The following DAB1 variants were observed in gnomAD, a reference collection of about 807,000 sequenced individuals.
DAB1 encodes the protein DAB adaptor protein 1, also known as disabled homolog 1.
DAB1 carries 15 observed loss-of-function variants against 64.6 expected under a neutral mutation model. The observed-to-expected ratio is 0.23, with a 90% CI of 0.16 to 0.36. The LOEUF (loss-of-function observed/expected upper bound fraction) is 0.36. DAB1 is among the 10% of genes least tolerant of loss of function. The pLI, the probability that DAB1 is intolerant of heterozygous loss-of-function variation, is 1.00. For synonymous variants in DAB1, 235 were observed against 251.9 expected, an observed-to-expected ratio of 0.93 and a Z score of 0.64; for missense variants, 596 against 706.7, an observed-to-expected ratio of 0.84 and a Z score of 1.78.
At chr1:57,062,833 A>T in intron 9 of DAB1, 51 bp downstream of exon 9, 1 of 1,455,010 alleles carries the variant, frequency 6.9e-7, no homozygotes, top group Non-Finnish European at 9.7e-7. Flanking sequence ...AGACAGCCTC[A>T]GTGTGAATCC....
In DAB1 at chr1:57,395,195, T is replaced by A. The variant is rs558925549; in HGVS notation, c.-137+28735A>T. Among the ~76,000 whole-genome samples the A allele has an allele frequency of 2.6e-5, 4 of 152,222 alleles. No individual in the cohort carries two copies. The South Asian group carries it at 6.2e-4, about 24-fold the overall frequency. ...GTGTGCGACCACGCTCAGCTAATTT[T>A]TTGTATTTTTAGTAGAGACGGGGTT... On this transcript the variant is annotated intron_variant, in intron 1 of 14. Coordinates refer to ENST00000371236, the MANE Select transcript of DAB1 (RefSeq NM_001365792.1).
At chr1:57,613,398 TC>T (rs1645751546) in intron 7 of DAB1, among the ~76,000 whole-genome samples, 1 of 152,174 alleles carries the variant, frequency 6.6e-6, no homozygotes, top group African/African-American at 2.4e-5. Context: ...TGAGCCTCAC[TC>T]AGCAGCTGCT....
intron 1 of DAB1, among the ~76,000 whole-genome samples, chr1:57,389,547 T>G (rs17115722): frequency 2.0e-5 from 3 of 152,042 alleles, no homozygotes; most frequent in Non-Finnish European, 2.9e-5. Flanking sequence ...ACTGCATATA[T>G]GATGAACTCC....
At chr1:57,465,964 C>T (rs980248712) in intron 7 of DAB1, among the ~76,000 whole-genome samples, 5 of 152,164 alleles carry the variant, frequency 3.3e-5, no homozygotes, top group Non-Finnish European at 7.4e-5. Flanking sequence ...TCATGATGCA[C>T]TAAGTTCTGT....
chr1:57,747,725 C>T (rs1278842965), intron 6 of DAB1, among the ~76,000 whole-genome samples: 4 of 136,698 alleles, frequency 2.9e-5, no homozygotes, highest in Non-Finnish European at 4.6e-5. Context: ...AGGAGAATGG[C>T]GTGAATCTGG....
At position 57,326,324 on chromosome 1, in the gene DAB1, C is replaced by G. The variant is rs142803480; in HGVS notation, c.-136-35158G>C. 2.2e-3 allele frequency among the ~76,000 whole-genome samples: 334 copies of G among 152,294 alleles called. 2 individuals carry two copies. The highest frequency in any genetic ancestry group is 7.6e-3 in the African/African-American group (315 of 41,556). On this transcript the variant is annotated intron_variant, in intron 1 of 14. Transcript: ENST00000371236. ...ACCCAGACATAAATTCTAAAGACAG[C>G]AGGAAGCAAAAGAGGGCAAACCATG...
rs77723920 is a variant in DAB1, at chr1:58,210,124, A to G, written n.310-59536T>C. On this transcript the variant is annotated intron_variant and non_coding_transcript_variant, in intron 4 of 20. Transcript: ENST00000485760. ...GTACTTACAACAACTCTTGAGGTTG[A>G]TATTTTTACACGAATTTTTAAAATA... Among the ~76,000 whole-genome samples the G allele has an allele frequency of 9.5e-3, 1,444 of 152,308 alleles. 20 individuals carry two copies. Among genetic ancestry groups the G allele is most frequent in the African/African-American group, 0.033 (1,377 of 41,568 alleles).
intron 7 of DAB1, among the ~76,000 whole-genome samples, chr1:57,533,009 A>C (rs984825167): frequency 9.9e-5 from 15 of 152,170 alleles, no homozygotes; most frequent in African/African-American, 3.6e-4. Flanking sequence ...AACTTGCCAA[A>C]AATGTACACA....
intron 4 of DAB1, among the ~76,000 whole-genome samples, chr1:57,087,103 T>C (rs987316157): frequency 2.0e-5 from 3 of 152,204 alleles, no homozygotes; most frequent in Admixed American, 1.3e-4. Flanking sequence ...CTATGTAACC[T>C]GGATGTTTCA....
chr1:58,283,806 C>T (rs1249115745), intron 4 of DAB1, among the ~76,000 whole-genome samples: 1 of 152,118 alleles, frequency 6.6e-6, no homozygotes, highest in Non-Finnish European at 1.5e-5. Context: ...TTGGAGCTGC[C>T]CACATTGTCT....
At chr1:57,064,971 C>G (rs543881101) in intron 8 of DAB1, among the ~76,000 whole-genome samples, 2 of 152,266 alleles carry the variant, frequency 1.3e-5, no homozygotes, top group Admixed American at 1.3e-4. Context: ...ACTAGCTCAA[C>G]CTTTACTGAG....
intron 5 of DAB1, among the ~76,000 whole-genome samples, chr1:57,925,489 C>T (rs986528712): frequency 6.6e-6 from 1 of 152,212 alleles, no homozygotes; most frequent in African/African-American, 2.4e-5. Flanking sequence ...AAACATTTAT[C>T]AAGCCACATT....
rs547570817 is a variant in DAB1, at chr1:57,478,760, CT to C, written n.625+170831del. On this transcript the variant is annotated intron_variant and non_coding_transcript_variant, in intron 7 of 20. Transcript: ENST00000485760. Reference sequence around the variant, plus strand: ...GGTGCGTGCCACCATGCCCAGCTAACTTTTTTTTTTTTGTATTTTTTAGTAG... The same window carrying C: ...GGTGCGTGCCACCATGCCCAGCTAACTTTTTTTTTTTGTATTTTTTAGTAG... 2.8e-3 allele frequency among the ~76,000 whole-genome samples: 400 copies of C among 143,578 alleles called. 1 individual carries two copies. The highest frequency in any genetic ancestry group is 3.6e-3 in the Admixed American group (52 of 14,350). 94.2% of individuals were successfully genotyped at this position (143,578 alleles called of 152,430 possible). A position where few individuals can be genotyped will look rare whatever the true frequency, so the allele number is the denominator to read the frequency against.
intron 7 of DAB1, among the ~76,000 whole-genome samples, chr1:57,645,421 T>G (rs904287429): frequency 6.6e-6 from 1 of 152,188 alleles, no homozygotes; most frequent in Non-Finnish European, 1.5e-5. Context: ...AGCTGCTGTC[T>G]GTTTCTCTGC....
intron 3 of DAB1, among the ~76,000 whole-genome samples, chr1:58,419,747 A>T (rs1644755181): frequency 6.6e-6 from 1 of 152,178 alleles, no homozygotes; most frequent in South Asian, 2.1e-4. Flanking sequence ...GCTGTCCCTC[A>T]GGTGCTGTCT....
chr1:57,088,265 TTCACCATGTTGG>T (rs1334781886), intron 4 of DAB1, among the ~76,000 whole-genome samples: 1 of 152,100 alleles, frequency 6.6e-6, no homozygotes, highest in East Asian at 1.9e-4. Context: ...GAGACGGGGT[TTCACCATGTTGG>T]TCAGGCTGGT....
chr1:57,810,250 G>A (rs1189694883), intron 6 of DAB1, among the ~76,000 whole-genome samples: 2 of 152,166 alleles, frequency 1.3e-5, no homozygotes, highest in Non-Finnish European at 2.9e-5. Flanking sequence ...AAGAAGGGGG[G>A]CTCCTTAAGA....
chr1:58,300,630 GA>G (rs1557726151), intron 4 of DAB1, among the ~76,000 whole-genome samples: 1,325 of 70,814 alleles, frequency 0.019, 76 homozygotes, highest in Non-Finnish European at 0.029. Context: ...GAGAGAGAGA[GA>G]GAGAGAGAGA....
intron 4 of DAB1, among the ~76,000 whole-genome samples, chr1:57,082,368 T>C (rs1381694456): frequency 6.6e-6 from 1 of 152,198 alleles, no homozygotes; most frequent in Non-Finnish European, 1.5e-5. Flanking sequence ...AGTCAACCGT[T>C]GGTCCAAACC....
Sources: gnomAD v4.1 joint callset for allele counts (sites outside exome capture counted in the v4.1 genomes callset) on GRCh38, gnomAD v4.1.1 for gene constraint, MANE v1.5 for transcripts, NCBI Gene and HGNC (gene_info 2026-07-23, HGNC 2026-07-21) for gene names.